The following CDH13 variants were observed in gnomAD, a reference collection of about 807,000 sequenced individuals.
CDH13 encodes cadherin-13.
A neutral mutation model predicts 63.8 loss-of-function variants in CDH13; 24 were observed. That is an observed-to-expected ratio of 0.38 (90% CI 0.27 to 0.53). The LOEUF (loss-of-function observed/expected upper bound fraction) is 0.53. Among genes scored for constraint, CDH13 ranks in the 20% least tolerant of loss-of-function variants. CDH13 has a pLI of 0.85. For synonymous variants in CDH13, 503 were observed against 355.3 expected (o/e 1.42, Z -4.67); for missense variants, 1,049 against 903.1 (o/e 1.16, Z -2.07).
intron 3 of CDH13, among the ~76,000 whole-genome samples, chr16:83,046,500 A>G: frequency 6.6e-6 from 1 of 152,350 alleles, no homozygotes; most frequent in South Asian, 2.1e-4. Context: ...ATGTTTTGAG[A>G]ATTTTATACA....
At chr16:82,881,829 G>T (rs1400327745) in intron 2 of CDH13, among the ~76,000 whole-genome samples, 1 of 152,034 alleles carries the variant, frequency 6.6e-6, no homozygotes, top group Non-Finnish European at 1.5e-5. Flanking sequence ...ATGTCACCTG[G>T]TTCATGACCC....
In CDH13 at chr16:83,175,375, C is replaced by A. The variant is rs565442285; in HGVS notation, c.484-41970C>A. Among the ~76,000 whole-genome samples, 45 of 152,172 alleles carry A rather than the reference C, an allele frequency of 3.0e-4. No homozygotes were observed. In the South Asian group the frequency reaches 6.0e-3, roughly 20 times the overall value. ...CAAGTTCTCAACCCCCACGATAGCC[C>A]ACTGGTGAAGACAGAACCATGCAGA... On this transcript the variant is annotated intron_variant, in intron 4 of 13. Coordinates refer to ENST00000567109, the MANE Select transcript of CDH13 (RefSeq NM_001257.5).
intron 2 of CDH13, among the ~76,000 whole-genome samples, chr16:82,935,961 A>C (rs913741689): frequency 2.6e-5 from 4 of 152,136 alleles, no homozygotes; most frequent in Middle Eastern, 3.2e-3. Context: ...TTAAAGAGGC[A>C]GTGTCTGATT....
At chr16:82,767,000 C>G (rs575291025) in intron 1 of CDH13, among the ~76,000 whole-genome samples, 2 of 152,142 alleles carry the variant, frequency 1.3e-5, no homozygotes, top group Non-Finnish European at 2.9e-5. Context: ...CCTATCTTTC[C>G]TTCTGTGTGT....
At chr16:82,768,669 C>T (rs2035151422) in intron 1 of CDH13, among the ~76,000 whole-genome samples, 1 of 152,190 alleles carries the variant, frequency 6.6e-6, no homozygotes, top group Admixed American at 6.5e-5. Context: ...GCTTCAGGAT[C>T]ATCCAGCCTA....
At chr16:83,775,206 C>T (rs1285822863) in intron 11 of CDH13, among the ~76,000 whole-genome samples, 1 of 151,830 alleles carries the variant, frequency 6.6e-6, no homozygotes, top group African/African-American at 2.4e-5. Flanking sequence ...ACCATACCTA[C>T]AATGAATTGG....
chr16:83,606,999 C>T (rs1321083862), intron 8 of CDH13, among the ~76,000 whole-genome samples: 1 of 151,904 alleles, frequency 6.6e-6, no homozygotes, highest in Admixed American at 6.6e-5. Context: ...TCTCTGTAGC[C>T]TCCCTTACCT....
At chr16:82,909,709 C>T (rs1229869469) in intron 2 of CDH13, among the ~76,000 whole-genome samples, 3 of 151,996 alleles carry the variant, frequency 2.0e-5, no homozygotes, top group Non-Finnish European at 4.4e-5. Flanking sequence ...GACCCAACCC[C>T]ATGATTCAAT....
intron 3 of CDH13, among the ~76,000 whole-genome samples, chr16:83,101,570 A>C (rs1031784049): frequency 6.6e-5 from 10 of 152,018 alleles, no homozygotes; most frequent in African/African-American, 2.4e-4. Flanking sequence ...AGGTGGGTGG[A>C]ATCACATGAG....
chr16:82,948,825 G>T (rs1354420031), intron 2 of CDH13, among the ~76,000 whole-genome samples: 1 of 152,120 alleles, frequency 6.6e-6, no homozygotes. Context: ...GTTCAAATAT[G>T]ATTGTAGAGT....
chr16:83,113,856 G>C (rs1429188872), intron 3 of CDH13, among the ~76,000 whole-genome samples: 2 of 152,192 alleles, frequency 1.3e-5, no homozygotes, highest in African/African-American at 4.8e-5. Flanking sequence ...CTTGAGGTCA[G>C]AGTGGTCATC....
intron 1 of CDH13, among the ~76,000 whole-genome samples, chr16:82,665,160 A>G (rs948596027): frequency 2.6e-5 from 4 of 152,096 alleles, no homozygotes; most frequent in African/African-American, 9.7e-5. Flanking sequence ...CTTTTCATGA[A>G]CCATTTAATG....
At chr16:83,068,266 A>T (rs2032169401) in intron 3 of CDH13, among the ~76,000 whole-genome samples, 1 of 152,180 alleles carries the variant, frequency 6.6e-6, no homozygotes, top group South Asian at 2.1e-4. Context: ...TTAGTGTCTA[A>T]AAAACCCTAA....
intron 1 of CDH13, among the ~76,000 whole-genome samples, chr16:82,854,262 G>A (rs286677): frequency 0.56 from 85,625 of 151,812 alleles, 25,689 homozygotes; most frequent in Non-Finnish European, 0.68. Flanking sequence ...TTAGCTAGGC[G>A]TGGTGGCTGG....
At chr16:82,733,234 G>A (rs530932003) in intron 1 of CDH13, among the ~76,000 whole-genome samples, 1 of 152,220 alleles carries the variant, frequency 6.6e-6, no homozygotes, top group African/African-American at 2.4e-5. Context: ...TCATTTCACT[G>A]GTCCTCCCCA....
At chr16:83,108,887 C>T (rs28634816) in intron 3 of CDH13, among the ~76,000 whole-genome samples, 156 of 152,252 alleles carry the variant, frequency 1.0e-3, no homozygotes, top group African/African-American at 3.4e-3. Context: ...TTCCGAGTCA[C>T]AGGTTCTGCC....
At chr16:83,708,580 C>T (rs1011163031) in intron 10 of CDH13, among the ~76,000 whole-genome samples, 3 of 152,156 alleles carry the variant, frequency 2.0e-5, no homozygotes, top group Non-Finnish European at 4.4e-5. Flanking sequence ...GGCTAAGTAA[C>T]GCCCACACCG....
intron 6 of CDH13, among the ~76,000 whole-genome samples, chr16:83,391,780 TTC>T (rs1193577934): frequency 6.6e-6 from 1 of 152,210 alleles, no homozygotes; most frequent in Non-Finnish European, 1.5e-5. Context: ...ATTGGTGAGA[TTC>T]TGAACCAAAC....
intron 3 of CDH13, among the ~76,000 whole-genome samples, chr16:83,051,498 G>C (rs1206655534): frequency 7.9e-5 from 12 of 152,140 alleles, no homozygotes; most frequent in South Asian, 2.1e-4. Flanking sequence ...TTTCATTTTT[G>C]CTTTCTTTGA....
Sources: allele counts gnomAD v4.1 joint callset (sites outside exome capture counted in the v4.1 genomes callset), GRCh38; gene constraint gnomAD v4.1.1; transcripts MANE v1.5; gene names NCBI Gene and HGNC (gene_info 2026-07-23, HGNC 2026-07-21).